The following CSMD3 variants were observed in gnomAD, a reference collection of about 807,000 sequenced individuals.
CSMD3 encodes CUB and Sushi multiple domains 3, also known as CUB and sushi domain-containing protein 3.
A neutral mutation model predicts 435.2 loss-of-function variants in CSMD3; 177 were observed. The ratio of observed to expected loss-of-function variants is 0.41; its 90% CI spans 0.36 to 0.46. The LOEUF is 0.46. CSMD3 is among the 20% of genes least tolerant of loss of function. The pLI is 0.34. For missense variants in CSMD3, 4,265 were observed against 4,504.6 expected (o/e 0.95, Z 1.52); for synonymous variants, 1,656 against 1,520.5 (o/e 1.09, Z -2.07).
Position 112,550,823 on chromosome 8 carries a change from A to G in CSMD3, c.4412T>C (p.Val1471Ala), listed in dbSNP as rs2131190260. The G allele has an allele frequency of 6.2e-7, 1 of 1,612,586 alleles. No homozygotes were observed. The highest frequency in any genetic ancestry group is 2.2e-5 in the East Asian group (1 of 44,778). The change falls in exon 27 of 71, where the codon GTC (valine) becomes GCC (alanine). Residue 1471 changes from valine (V) to alanine (A), a missense_variant. Physicochemically the swap from Val to Ala is moderately conservative, Grantham distance 64 (BLOSUM62 0). Transcript: ENST00000297405. ...ATCATTTTCTGGTGGACCGTCCCAG[A>G]CTCGGAGTATATCATGTGATGCTTC... ...DTEASHDILR[V>A]WDGPPENDML...
intron 42 of CSMD3, among the ~76,000 whole-genome samples, chr8:112,339,767 C>G (rs1824924544): frequency 2.0e-5 from 3 of 152,046 alleles, no homozygotes; most frequent in African/African-American, 4.8e-5. Context: ...CAAAATCAAT[C>G]CAAAAATAAT....
intron 50 of CSMD3, chr8:112,310,626 T>C (rs1821886284): frequency 1.5e-5 from 5 of 342,440 alleles, no homozygotes; most frequent in South Asian, 1.3e-4. Context: ...TTGCCCATTC[T>C]TATTCTCTAT....
intron 27 of CSMD3, among the ~76,000 whole-genome samples, chr8:112,521,389 A>G (rs1824266488): frequency 6.6e-6 from 1 of 151,918 alleles, no homozygotes; most frequent in African/African-American, 2.4e-5. Context: ...TTTCAGCAAC[A>G]TTTATTAAAG....
At chr8:112,532,771 T>C (rs991879054) in intron 27 of CSMD3, among the ~76,000 whole-genome samples, 2 of 152,068 alleles carry the variant, frequency 1.3e-5, no homozygotes, top group South Asian at 4.1e-4. Context: ...AACTCACTGG[T>C]AAAATTAAGT....
intron 3 of CSMD3, 79 bp from the exon 4 acceptor site, chr8:113,173,995 T>A: frequency 2.0e-6 from 2 of 985,158 alleles, no homozygotes; most frequent in Non-Finnish European, 3.2e-6. Flanking sequence ...AAATTATATA[T>A]GTAGATATGG....
chr8:112,435,493 C>A (rs930413030), intron 32 of CSMD3, among the ~76,000 whole-genome samples: 1 of 151,904 alleles, frequency 6.6e-6, no homozygotes, highest in Non-Finnish European at 1.5e-5. Context: ...TGATGTATGC[C>A]AAAACTGAAA....
Position 112,289,480 on chromosome 8 carries a change from A to G in CSMD3, c.9033T>C (p.Tyr3011=), listed in dbSNP as rs764011816. The change falls in exon 57 of 71, where the codon TAT becomes TAC. Residue 3011 remains tyrosine (Y), a synonymous_variant. Transcript: ENST00000297405. ...AATAGTGAACAGTAGACCCAAAAGTATACTTCTCGCCAGACAGGACTGCAT... is the reference window on the plus strand; with the variant it reads ...AATAGTGAACAGTAGACCCAAAAGTGTACTTCTCGCCAGACAGGACTGCAT... ...PPNAVLSGEK[Y]TFGSTVHYSC... The G allele has an allele frequency of 9.3e-6, 15 of 1,612,912 alleles. No individual in the cohort carries two copies. Among genetic ancestry groups the G allele is most frequent in the African/African-American group, 5.3e-5 (4 of 74,896 alleles).
intron 24 of CSMD3, among the ~76,000 whole-genome samples, chr8:112,569,366 C>A (rs900916665): frequency 1.3e-5 from 2 of 152,018 alleles, no homozygotes; most frequent in African/African-American, 4.8e-5. Flanking sequence ...CTTATATGAA[C>A]AAAATAAACC....
intron 69 of CSMD3, among the ~76,000 whole-genome samples, chr8:112,231,208 G>A (rs1813051405): frequency 6.6e-6 from 1 of 152,176 alleles, no homozygotes; most frequent in African/African-American, 2.4e-5. Flanking sequence ...AAGTAGTACA[G>A]TTCTCATGAG....
intron 3 of CSMD3, among the ~76,000 whole-genome samples, chr8:113,231,073 T>G (rs966215801): frequency 6.6e-6 from 1 of 151,470 alleles, no homozygotes; most frequent in Non-Finnish European, 1.5e-5. Context: ...TCAGAATTCA[T>G]GCAATACTTC....
At chr8:112,407,880 C>A (rs1325120048) in intron 34 of CSMD3, among the ~76,000 whole-genome samples, 1 of 151,958 alleles carries the variant, frequency 6.6e-6, no homozygotes, top group Admixed American at 6.6e-5. Context: ...AGTTTTAATT[C>A]TCCTGAGAGA....
intron 5 of CSMD3, among the ~76,000 whole-genome samples, chr8:113,084,784 A>G (rs1054218159): frequency 1.3e-5 from 2 of 152,044 alleles, no homozygotes; most frequent in Non-Finnish European, 2.9e-5. Flanking sequence ...AATAAAACAT[A>G]ATAGAGAACC....
intron 22 of CSMD3, among the ~76,000 whole-genome samples, chr8:112,606,858 C>T (rs1209323078): frequency 2.0e-5 from 3 of 148,038 alleles, no homozygotes; most frequent in South Asian, 2.2e-4. Flanking sequence ...AGGAAACATA[C>T]AAAACCTTAT....
chr8:113,011,768 T>TATCACAG (rs2086263713), intron 6 of CSMD3, among the ~76,000 whole-genome samples: 1 of 151,786 alleles, frequency 6.6e-6, no homozygotes, highest in Non-Finnish European at 1.5e-5. Flanking sequence ...TATTCATTTG[T>TATCACAG]ATCACAGAAT....
rs889552588 is a variant in CSMD3 at position 112,349,751 on chromosome 8, A to G, written c.6325+1424T>C. 3.9e-5 allele frequency among the ~76,000 whole-genome samples: 6 copies of G among 152,130 alleles called. No individual in the cohort carries two copies. The East Asian group carries it at 1.2e-3, about 29-fold the overall frequency. On this transcript the variant is annotated intron_variant, in intron 40 of 70. Transcript: ENST00000297405. ...AAAACTTCCCTTAAAAAAATCATCC[A>G]ATTTAAAGTCTGAGTGTTTTCAATG... is the stretch of plus-strand genomic sequence containing the variant.
intron 3 of CSMD3, among the ~76,000 whole-genome samples, chr8:113,249,301 A>T (rs191714905): frequency 6.6e-6 from 1 of 152,236 alleles, no homozygotes; most frequent in Admixed American, 6.5e-5. Context: ...AGACTAATAC[A>T]GTTATAACCT....
At chr8:112,419,195 A>C (rs1812220196) in intron 32 of CSMD3, among the ~76,000 whole-genome samples, 1 of 151,330 alleles carries the variant, frequency 6.6e-6, no homozygotes, top group South Asian at 2.1e-4. Flanking sequence ...CAATAGCAGT[A>C]AACATACTAA....
chr8:112,684,681 T>A (rs2131798584), intron 15 of CSMD3, among the ~76,000 whole-genome samples: 1 of 152,236 alleles, frequency 6.6e-6, no homozygotes, highest in Non-Finnish European at 1.5e-5. Context: ...TAAACATTTT[T>A]GCAGATAAAT....
chr8:112,877,063 A>T (rs1284382661), intron 10 of CSMD3, among the ~76,000 whole-genome samples: 2 of 152,152 alleles, frequency 1.3e-5, no homozygotes, highest in African/African-American at 4.8e-5. Context: ...GATGTGAAGG[A>T]TCTCTTCAAG....
Sources: allele counts gnomAD v4.1 joint callset (sites outside exome capture counted in the v4.1 genomes callset), GRCh38; gene constraint gnomAD v4.1.1; transcripts MANE v1.5; gene names NCBI Gene and HGNC (gene_info 2026-07-23, HGNC 2026-07-21).